CEMIP: variants seen among roughly 807,000 people sequenced by gnomAD.
The protein encoded by CEMIP is cell migration inducing hyaluronidase 1.
A neutral mutation model predicts 156.9 loss-of-function variants in CEMIP; 105 were observed. That is an observed-to-expected ratio of 0.67 (90% CI 0.57 to 0.79). CEMIP has a LOEUF of 0.79. CEMIP is among the 30% of genes least tolerant of loss of function. The pLI, the probability that CEMIP is intolerant of heterozygous loss-of-function variation, is 0.00. For synonymous variants in CEMIP, 676 were observed against 668.4 expected, an observed-to-expected ratio of 1.01 and a Z score of -0.17; for missense variants, 1,457 against 1,769.4, an observed-to-expected ratio of 0.82 and a Z score of 3.17.
intron 1 of CEMIP, among the ~76,000 whole-genome samples, chr15:80,852,244 C>T (rs965371474): frequency 2.0e-5 from 3 of 152,302 alleles, no homozygotes; most frequent in African/African-American, 7.2e-5. Flanking sequence ...TGAATTTGGA[C>T]AAATCACTTA....
At position 80,878,851 on chromosome 15, in the gene CEMIP, C is replaced by T; in HGVS notation, c.225C>T (p.Ile75=). The T allele has an allele frequency of 6.2e-7, 1 of 1,614,202 alleles. No homozygotes were observed. The change falls in exon 4 of 30, where the codon ATC becomes ATT. Residue 75 remains isoleucine (I), a synonymous_variant. Transcript: ENST00000394685. ...LLTSSATVYS[I]HISEGGKLVI... The stretch of plus-strand genomic sequence containing the variant: ...CCTCTTCTGCCACGGTCTATTCCAT[C>T]CACATCTCAGAGGGAGGTAAGCCAA...
At chr15:80,875,650 A>G (rs960092070) in intron 3 of CEMIP, among the ~76,000 whole-genome samples, 3 of 152,118 alleles carry the variant, frequency 2.0e-5, no homozygotes, top group African/African-American at 7.2e-5. Context: ...AGAGGGATGT[A>G]GAAGCCAACC....
intron 1 of CEMIP, among the ~76,000 whole-genome samples, chr15:80,790,395 T>C (rs1896051073): frequency 6.6e-6 from 1 of 152,250 alleles, no homozygotes; most frequent in Non-Finnish European, 1.5e-5. Flanking sequence ...CCTGTGGCTT[T>C]ATGGTTATTT....
At chr15:80,873,441 A>G in intron 1 of CEMIP, 97 bp from the exon 2 acceptor site, 1 of 261,958 alleles carries the variant, frequency 3.8e-6, no homozygotes, top group Non-Finnish European at 7.5e-6. Context: ...GAGAGATTAA[A>G]CAGATCATCT....
At chr15:80,928,765 C>A in intron 19 of CEMIP, 137 bp from the exon 20 acceptor site, 1 of 1,101,090 alleles carries the variant, frequency 9.1e-7, no homozygotes, top group Non-Finnish European at 1.4e-6. Context: ...CTGAGCACGA[C>A]TCTGCTTATG....
intron 1 of CEMIP, 44 bp from the exon 2 acceptor site, chr15:80,873,494 G>C (rs1262767422): frequency 3.4e-6 from 1 of 298,054 alleles, no homozygotes; most frequent in Admixed American, 4.6e-5. Context: ...CCCAGCTCAT[G>C]TTCAGTGGGA....
chr15:80,816,489 C>G (rs1167432080), intron 1 of CEMIP, among the ~76,000 whole-genome samples: 1 of 152,144 alleles, frequency 6.6e-6, no homozygotes, highest in Non-Finnish European at 1.5e-5. Context: ...ATTTCTGCAC[C>G]ACCTGGGCCA....
chr15:80,906,578 A>C lies in CEMIP; in HGVS notation c.1412-85A>C. Reference sequence around the variant, plus strand: ...CCAGGCATGGCGATGAGTAAGCAGCAGCCATGGAGGCACCTGGCAGGGGCC... The same window carrying C: ...CCAGGCATGGCGATGAGTAAGCAGCCGCCATGGAGGCACCTGGCAGGGGCC... On this transcript the variant is annotated intron_variant, in intron 12 of 29. Coordinates refer to ENST00000394685, the MANE Select transcript of CEMIP (RefSeq NM_001293298.2). This position sits in a 1 kb window ranked among gnomAD's most constrained non-coding sequence, Gnocchi z 4.3. 7.5e-7 allele frequency: 1 copy of C among 1,339,314 alleles called. No homozygotes were observed. The highest frequency in any genetic ancestry group is 1.0e-6 in the Non-Finnish European group (1 of 955,702). The allele number at this position is 1,339,314 out of a possible 1,614,324, so 83.0% of individuals were successfully genotyped here.
In CEMIP at chr15:80,923,111, A is replaced by T. The variant is rs144216915; in HGVS notation, c.2202+974A>T. Among the ~76,000 whole-genome samples, 802 of 152,216 alleles carry T rather than the reference A, an allele frequency of 5.3e-3. 6 individuals are homozygous for T. The highest frequency in any genetic ancestry group is 0.018 in the African/African-American group (727 of 41,538). On this transcript the variant is annotated intron_variant, in intron 17 of 29. Transcript: ENST00000394685. ...ATAGACCTGTGCTTATGCCTAGGAG[A>T]TAGGGTGGGGCAAGGGGTAAGCAGT... is the stretch of plus-strand genomic sequence containing the variant.
Position 80,906,967 on chromosome 15 carries a change from T to C in CEMIP, c.1587+129T>C. ...AGGTGGGATCAAGGGGAGGGCGCCT[T>C]CTGGAAGTTTGAGAAGTCTTATGTA... On this transcript the variant is annotated intron_variant, in intron 13 of 29. Coordinates refer to ENST00000394685, the MANE Select transcript of CEMIP (RefSeq NM_001293298.2). This position sits in a 1 kb window ranked among gnomAD's most constrained non-coding sequence, Gnocchi z 4.3. 1.0e-6 allele frequency: 1 copy of C among 999,520 alleles called. No individual in the cohort carries two copies. The highest frequency in any genetic ancestry group is 1.5e-6 in the Non-Finnish European group (1 of 654,710). The allele number at this position is 999,520 out of a possible 1,614,324, so 61.9% of individuals were successfully genotyped here.
intron 1 of CEMIP, among the ~76,000 whole-genome samples, chr15:80,829,991 T>TGTGCGTGTGTGTGCGCGC: frequency 1.2e-5 from 1 of 86,326 alleles, no homozygotes; most frequent in East Asian, 5.5e-4. Context: ...TGTGTGTGTG[T>TGTGCGTGTGTGTGCGCGC]GTGTGTGTGT....
chr15:80,796,794 C>T (rs767278012), intron 1 of CEMIP, among the ~76,000 whole-genome samples: 10 of 152,136 alleles, frequency 6.6e-5, no homozygotes, highest in African/African-American at 2.2e-4. Flanking sequence ...GGGTGGGTGA[C>T]TGGGGTCAGG....
chr15:80,929,252 G>A, intron 21 of CEMIP, 78 bp downstream of exon 21: 2 of 1,538,692 alleles, frequency 1.3e-6, no homozygotes, highest in Admixed American at 1.7e-5. Flanking sequence ...AAAGTTAATG[G>A]GTAGTTTCTA....
At chr15:80,937,410 A>T (rs959512217) in intron 24 of CEMIP, among the ~76,000 whole-genome samples, 1 of 152,266 alleles carries the variant, frequency 6.6e-6, no homozygotes. Flanking sequence ...GATGTGGGAA[A>T]TGAGACCAAA....
intron 1 of CEMIP, among the ~76,000 whole-genome samples, chr15:80,861,424 C>A (rs972645435): frequency 1.3e-5 from 2 of 152,218 alleles, no homozygotes; most frequent in Admixed American, 1.3e-4. Flanking sequence ...CTCATCTTTG[C>A]TGATCCTTGG....
chr15:80,887,838 C>A, intron 8 of CEMIP, 74 bp downstream of exon 8: 1 of 1,238,968 alleles, frequency 8.1e-7, no homozygotes, highest in Non-Finnish European at 1.2e-6. Flanking sequence ...CTTTTCTGAA[C>A]ATCTCACTTT....
intron 1 of CEMIP, among the ~76,000 whole-genome samples, chr15:80,833,762 A>G (rs2141685180): frequency 6.8e-6 from 1 of 146,760 alleles, no homozygotes; most frequent in Non-Finnish European, 1.5e-5. Context: ...TCTGCCTCCC[A>G]GGCTCAAGTG....
chr15:80,900,105 C>T (rs1352674043), intron 12 of CEMIP, among the ~76,000 whole-genome samples: 1 of 152,184 alleles, frequency 6.6e-6, no homozygotes, highest in Non-Finnish European at 1.5e-5. Flanking sequence ...GGTGGGTCAC[C>T]CCAAGGCCTG....
At chr15:80,857,124 G>C (rs1375363155) in intron 1 of CEMIP, among the ~76,000 whole-genome samples, 1 of 152,216 alleles carries the variant, frequency 6.6e-6, no homozygotes, top group Non-Finnish European at 1.5e-5. Context: ...CTCCACTCTG[G>C]CTGGGCAGAG....
Sources: gnomAD v4.1 joint callset for allele counts (sites outside exome capture counted in the v4.1 genomes callset) on GRCh38, gnomAD v4.1.1 for gene constraint, Gnocchi (gnomAD v3.1) non-coding constraint, MANE v1.5 for transcripts, NCBI Gene and HGNC (gene_info 2026-07-23, HGNC 2026-07-21) for gene names.